Variants in MYH9 observed in about 807,000 individuals in gnomAD.
MYH9 encodes the protein myosin heavy chain 9.
MYH9 carries 29 observed loss-of-function variants against 241.9 expected under a neutral mutation model. The ratio of observed to expected loss-of-function variants is 0.12; its 90% CI spans 0.09 to 0.16. The LOEUF (loss-of-function observed/expected upper bound fraction) is 0.16. Among genes scored for constraint, MYH9 ranks in the 10% least tolerant of loss-of-function variants. The probability of loss-of-function intolerance (pLI) is 1.00; values close to 1 mark genes in which losing one functional copy is unlikely to be tolerated. For synonymous variants in MYH9, 1,047 were observed against 1,062.6 expected, an observed-to-expected ratio of 0.99 and a Z score of 0.29; for missense variants, 1,803 against 2,595.5, an observed-to-expected ratio of 0.69 and a Z score of 6.63.
intron 13 of MYH9, among the ~76,000 whole-genome samples, chr22:36,313,479 A>G (rs1373255538): frequency 6.7e-6 from 1 of 149,622 alleles, no homozygotes; most frequent in Non-Finnish European, 1.5e-5. Flanking sequence ...AAAAAAGAAG[A>G]AAACCCAGAC....
intron 1 of MYH9, among the ~76,000 whole-genome samples, chr22:36,375,955 C>CTTTTTTTTT (rs751350180): frequency 2.2e-4 from 20 of 89,108 alleles, no homozygotes; most frequent in Non-Finnish European, 3.8e-4. Flanking sequence ...TCAATAATTT[C>CTTTTTTTTT]TTTTTTTTTT....
Position 36,320,153 on chromosome 22 carries a change from G to T in MYH9, c.1012+67C>A. 6.4e-7 allele frequency: 1 copy of T among 1,551,360 alleles called. No homozygotes were observed. The highest frequency in any genetic ancestry group is 8.7e-7 in the Non-Finnish European group (1 of 1,148,460). ...CCCCAGGCCCATCGGCTACCCTGAT[G>T]CCCCGAGGCCGTGGGTACCAGCCTT... On this transcript the variant is annotated intron_variant, in intron 9 of 40. Coordinates refer to ENST00000216181, the MANE Select transcript of MYH9 (RefSeq NM_002473.6). This position sits in a 1 kb window ranked among gnomAD's most constrained non-coding sequence, Gnocchi z 4.8.
At chr22:36,332,006 T>C (rs1003740549) in intron 3 of MYH9, among the ~76,000 whole-genome samples, 1 of 152,214 alleles carries the variant, frequency 6.6e-6, no homozygotes, top group Non-Finnish European at 1.5e-5. Flanking sequence ...TGGCTTGCTA[T>C]ATGTGTTGGC....
At chr22:36,378,833 AAG>A (rs1161845585) in intron 1 of MYH9, among the ~76,000 whole-genome samples, 6 of 152,158 alleles carry the variant, frequency 3.9e-5, no homozygotes, top group South Asian at 2.1e-4. Context: ...ATCAAAAAAA[AAG>A]AGAGTCACCA....
intron 1 of MYH9, among the ~76,000 whole-genome samples, chr22:36,366,595 G>C (rs917835552): frequency 6.6e-6 from 1 of 152,114 alleles, no homozygotes; most frequent in African/African-American, 2.4e-5. Flanking sequence ...AGGGTTTCCC[G>C]GGAACATCCC....
At position 36,346,151 on chromosome 22, in the gene MYH9, C is replaced by CAAAAAA. The variant is rs56232061; in HGVS notation, c.333+2747_333+2752dup. Among the ~76,000 whole-genome samples, 218 of 121,280 alleles carry CAAAAAA rather than the reference C, an allele frequency of 1.8e-3. 1 individual carries two copies. Among genetic ancestry groups the CAAAAAA allele is most frequent in the African/African-American group, 6.1e-3 (202 of 33,110 alleles). The allele number at this position is 121,280 out of a possible 152,430, so 79.6% of individuals were successfully genotyped here. ...TGGGTGACAAAGTGAGACTCCGTCTCAAAAAAAAAAAAAAAAAGAAGGCTG... is the reference window on the plus strand; with the variant it reads ...TGGGTGACAAAGTGAGACTCCGTCTCAAAAAAAAAAAAAAAAAAAAAAAGAAGGCTG... On this transcript the variant is annotated intron_variant, in intron 2 of 40. Coordinates refer to ENST00000216181, the MANE Select transcript of MYH9 (RefSeq NM_002473.6).
At chr22:36,299,715 G>T (rs753284596) in intron 23 of MYH9, among the ~76,000 whole-genome samples, 12 of 152,288 alleles carry the variant, frequency 7.9e-5, no homozygotes, top group Non-Finnish European at 1.3e-4. Flanking sequence ...CACCGACAGG[G>T]ACCCAACTCA....
intron 11 of MYH9, among the ~76,000 whole-genome samples, 199 bp downstream of exon 11, chr22:36,318,008 G>A (rs759756050): frequency 2.0e-5 from 3 of 152,246 alleles, no homozygotes; most frequent in Non-Finnish European, 4.4e-5. Context: ...GTGAAGCCTT[G>A]AGTGTGCCAT....
intron 3 of MYH9, among the ~76,000 whole-genome samples, chr22:36,333,164 G>A (rs1161275109): frequency 1.3e-5 from 2 of 152,240 alleles, no homozygotes; most frequent in African/African-American, 4.8e-5. Flanking sequence ...CCCTGTTGGA[G>A]CACAAACAGG....
chr22:36,304,637 G>A (rs2016940366), intron 18 of MYH9, among the ~76,000 whole-genome samples: 1 of 152,232 alleles, frequency 6.6e-6, no homozygotes, highest in African/African-American at 2.4e-5. Flanking sequence ...GGAGTGGGGA[G>A]GGAGGGAGGA....
Position 36,282,074 on chromosome 22 carries a change from C to T in MYH9, c.*594G>A, listed in dbSNP as rs2016498713. The T allele has an allele frequency of 8.5e-6, 2 of 236,638 alleles. No individual in the cohort carries two copies. Among genetic ancestry groups the T allele is most frequent in the Non-Finnish European group, 1.7e-5 (2 of 119,534 alleles). 14.7% of individuals were successfully genotyped at this position (236,638 alleles called of 1,614,324 possible). A position where few individuals can be genotyped will look rare whatever the true frequency, so the allele number is the denominator to read the frequency against. The stretch of plus-strand genomic sequence containing the variant: ...ACAGGGTGGGGAGGAATCCACTCCT[C>T]CCCCCACCCCAGCCTTCTGTGCCCT... On this transcript the variant is annotated 3_prime_UTR_variant, in exon 41 of 41. Coordinates refer to ENST00000216181, the MANE Select transcript of MYH9 (RefSeq NM_002473.6).
At chr22:36,283,478 AG>A (rs1238532742) in intron 40 of MYH9, among the ~76,000 whole-genome samples, 1 of 151,894 alleles carries the variant, frequency 6.6e-6, no homozygotes, top group South Asian at 2.1e-4. Context: ...CAGAGGTTGC[AG>A]CAAGCCGAGA....
chr22:36,291,440 C>T (rs2016701100), intron 31 of MYH9, among the ~76,000 whole-genome samples: 2 of 151,418 alleles, frequency 1.3e-5, no homozygotes, highest in South Asian at 2.1e-4. Flanking sequence ...GGATTAAGGG[C>T]GGTGCAAGAT....
intron 3 of MYH9, among the ~76,000 whole-genome samples, chr22:36,331,414 C>T (rs1337714685): frequency 6.6e-6 from 1 of 152,218 alleles, no homozygotes; most frequent in African/African-American, 2.4e-5. Context: ...TGTCCTGAGG[C>T]CAAGCCCATG....
chr22:36,377,004 A>T (rs1203123620), intron 1 of MYH9, among the ~76,000 whole-genome samples: 1 of 152,040 alleles, frequency 6.6e-6, no homozygotes, highest in Non-Finnish European at 1.5e-5. Flanking sequence ...TGGAGGTTGC[A>T]GTGAGCCAAG....
At position 36,288,118 on chromosome 22, in the gene MYH9, C is replaced by A; in HGVS notation, c.4932+134G>T. ...CTGAGTCTCTGTCAGTGAGATGGGG[C>A]TGGAAGCACCCAGGACCTTCCCAGG... On this transcript the variant is annotated intron_variant, in intron 34 of 40. Coordinates refer to ENST00000216181, the MANE Select transcript of MYH9 (RefSeq NM_002473.6). The surrounding 1 kb of genome is among the most constrained non-coding windows in gnomAD (Gnocchi z 4.8). 9.5e-7 allele frequency: 1 copy of A among 1,058,200 alleles called. No individual in the cohort carries two copies. Among genetic ancestry groups the A allele is most frequent in the Admixed American group, 1.8e-5 (1 of 55,008 alleles). The allele number at this position is 1,058,200 out of a possible 1,614,324, so 65.6% of individuals were successfully genotyped here.
At chr22:36,324,301 G>C (rs1402654850) in intron 5 of MYH9, among the ~76,000 whole-genome samples, 1 of 152,260 alleles carries the variant, frequency 6.6e-6, no homozygotes, top group African/African-American at 2.4e-5. Flanking sequence ...GCACAGAAGA[G>C]ATTTTAATTT....
chr22:36,328,525 G>C (rs942777335), intron 3 of MYH9, among the ~76,000 whole-genome samples: 5 of 152,176 alleles, frequency 3.3e-5, no homozygotes, highest in African/African-American at 1.2e-4. Flanking sequence ...TTAATTCTGA[G>C]TCTCAGTTTC....
intron 3 of MYH9, among the ~76,000 whole-genome samples, chr22:36,341,023 G>C (rs9610494): frequency 6.6e-6 from 1 of 151,858 alleles, no homozygotes; most frequent in African/African-American, 2.4e-5. Flanking sequence ...AAGCAAGAAA[G>C]GAAGAGGGAA....
Sources: allele counts gnomAD v4.1 joint callset (sites outside exome capture counted in the v4.1 genomes callset), GRCh38; gene constraint gnomAD v4.1.1; non-coding constraint Gnocchi (gnomAD v3.1); transcripts MANE v1.5; gene names NCBI Gene and HGNC (gene_info 2026-07-23, HGNC 2026-07-21).